Variants in DPP10 observed in about 807,000 individuals in gnomAD.
DPP10 encodes dipeptidyl peptidase like 10, also known as inactive dipeptidyl peptidase 10.
DPP10 carries 33 observed loss-of-function variants against 120.9 expected under a neutral mutation model. The ratio of observed to expected loss-of-function variants is 0.27; its 90% CI spans 0.21 to 0.37. The LOEUF (loss-of-function observed/expected upper bound fraction) is 0.37, where lower values mean the gene tolerates loss of function less well. Among genes scored for constraint, DPP10 ranks in the 10% least tolerant of loss-of-function variants. The pLI is 1.00. For missense variants in DPP10, 816 were observed against 942.8 expected, an observed-to-expected ratio of 0.87 and a Z score of 1.76; for synonymous variants, 337 against 326.1, an observed-to-expected ratio of 1.03 and a Z score of -0.36.
At chr2:115,723,750 T>C (rs1311037463) in intron 7 of DPP10, among the ~76,000 whole-genome samples, 1 of 152,126 alleles carries the variant, frequency 6.6e-6, no homozygotes, top group Non-Finnish European at 1.5e-5. Flanking sequence ...ACAACTAAAT[T>C]AGAAAAGGAC....
At chr2:114,765,648 A>G (rs547299703) in intron 1 of DPP10, among the ~76,000 whole-genome samples, 93 of 152,294 alleles carry the variant, frequency 6.1e-4, no homozygotes, top group Admixed American at 1.5e-3. Flanking sequence ...AAATTTTCCA[A>G]CGGCCTAAAC....
chr2:114,876,129 A>T (rs780634541), intron 1 of DPP10, among the ~76,000 whole-genome samples: 39 of 152,172 alleles, frequency 2.6e-4, no homozygotes, highest in Admixed American at 5.2e-4. Context: ...ATATAGTATA[A>T]TGAAAAGGCA....
At chr2:115,007,390 A>C (rs1701933282) in intron 1 of DPP10, among the ~76,000 whole-genome samples, 1 of 152,116 alleles carries the variant, frequency 6.6e-6, no homozygotes, top group Admixed American at 6.6e-5. Context: ...CATGCTAAAA[A>C]CTCTCAATAA....
intron 4 of DPP10, among the ~76,000 whole-genome samples, chr2:115,521,234 G>A (rs1484471339): frequency 6.6e-6 from 1 of 152,170 alleles, no homozygotes; most frequent in Non-Finnish European, 1.5e-5. Context: ...ATGATTACTG[G>A]CCCACCCGGT....
intron 1 of DPP10, among the ~76,000 whole-genome samples, chr2:115,265,974 A>G (rs1346010575): frequency 6.6e-6 from 1 of 152,028 alleles, no homozygotes; most frequent in East Asian, 1.9e-4. Context: ...TAGAAAATGA[A>G]GAAGCTTATT....
chr2:115,002,688 T>A (rs886150443), intron 1 of DPP10, among the ~76,000 whole-genome samples: 1 of 151,912 alleles, frequency 6.6e-6, no homozygotes, highest in African/African-American at 2.4e-5. Context: ...ACCCCACTAA[T>A]AAGTGAGCAA....
intron 7 of DPP10, among the ~76,000 whole-genome samples, chr2:115,721,045 A>G (rs979473885): frequency 1.2e-4 from 19 of 152,206 alleles, no homozygotes; most frequent in African/African-American, 4.1e-4. Flanking sequence ...AAAGAGCCGC[A>G]GTGATTGACT....
At chr2:115,729,438 T>C (rs533772691) in intron 8 of DPP10, among the ~76,000 whole-genome samples, 1 of 152,258 alleles carries the variant, frequency 6.6e-6, no homozygotes, top group South Asian at 2.1e-4. Context: ...AAAGGAATGA[T>C]ACCATTCTAG....
At chr2:115,098,554 G>T (rs1015184431) in intron 1 of DPP10, among the ~76,000 whole-genome samples, 2 of 151,988 alleles carry the variant, frequency 1.3e-5, no homozygotes, top group African/African-American at 4.8e-5. Context: ...TCACACAATG[G>T]TATTTGTGAA....
At chr2:115,319,088 T>C (rs781092761) in intron 2 of DPP10, among the ~76,000 whole-genome samples, 55 of 152,168 alleles carry the variant, frequency 3.6e-4, no homozygotes, top group Admixed American at 2.0e-4. Context: ...TTTTTATTTC[T>C]AGCTCTTAAA....
At chr2:115,696,074 A>G (rs1033855527) in intron 7 of DPP10, among the ~76,000 whole-genome samples, 1 of 152,140 alleles carries the variant, frequency 6.6e-6, no homozygotes, top group Non-Finnish European at 1.5e-5. Context: ...CATAAAAAAT[A>G]AAAGACTGAA....
chr2:115,827,458 G>A (rs1027453451), intron 21 of DPP10, among the ~76,000 whole-genome samples: 21 of 132,426 alleles, frequency 1.6e-4, no homozygotes, highest in Non-Finnish European at 1.6e-5. Context: ...GCTCTACAGT[G>A]GTATACTTCT....
In DPP10 at chr2:115,468,625, A is replaced by G. The variant is rs917782938; in HGVS notation, c.272-30885A>G. The G allele has an allele frequency of 1.6e-5, 6 of 383,294 alleles. No homozygotes were observed. In the East Asian group the frequency reaches 3.3e-4, roughly 21 times the overall value. 23.7% of individuals were successfully genotyped at this position (383,294 alleles called of 1,614,324 possible). On this transcript the variant is annotated intron_variant, in intron 3 of 25. Transcript: ENST00000410059. ...TTGTGTGGCACCATCTCCCATGAAC[A>G]TCCATGGGAGGTCATGCCTGATCTC...
intron 1 of DPP10, among the ~76,000 whole-genome samples, chr2:114,561,726 A>G (rs1259590251): frequency 6.6e-6 from 1 of 152,220 alleles, no homozygotes; most frequent in Non-Finnish European, 1.5e-5. Flanking sequence ...CTCTTTCTCA[A>G]AATGCATTTT....
At chr2:114,578,502 T>C (rs1378178669) in intron 1 of DPP10, among the ~76,000 whole-genome samples, 1 of 152,180 alleles carries the variant, frequency 6.6e-6, no homozygotes, top group Non-Finnish European at 1.5e-5. Flanking sequence ...CATTCCTTTT[T>C]TTCCTTGATC....
At chr2:114,613,622 C>A (rs986230273) in intron 1 of DPP10, among the ~76,000 whole-genome samples, 1 of 152,056 alleles carries the variant, frequency 6.6e-6, no homozygotes, top group African/African-American at 2.4e-5. Flanking sequence ...GGTATATACC[C>A]AAAGGATTAT....
chr2:114,497,288 C>T lies in DPP10; in HGVS notation c.60+54450C>T, dbSNP rs865804966. On this transcript the variant is annotated intron_variant, in intron 1 of 25. Transcript: ENST00000410059. Reference sequence around the variant, plus strand: ...ATACATGTACATGTATACGTGTATACATGTACATGTATACGTGTATACATG... The same window carrying T: ...ATACATGTACATGTATACGTGTATATATGTACATGTATACGTGTATACATG... Among the ~76,000 whole-genome samples, 34 of 53,092 alleles carry T rather than the reference C, an allele frequency of 6.4e-4. 2 individuals carry two copies. In the Middle Eastern group the frequency reaches 0.056, roughly 87 times the overall value. The allele number at this position is 53,092 out of a possible 152,430, so 34.8% of individuals were successfully genotyped here.
chr2:115,619,428 G>A (rs976594914), intron 5 of DPP10, among the ~76,000 whole-genome samples: 4 of 152,050 alleles, frequency 2.6e-5, no homozygotes, highest in South Asian at 2.1e-4. Flanking sequence ...CGCTTAAAAT[G>A]CCTCATGTCT....
intron 1 of DPP10, among the ~76,000 whole-genome samples, chr2:114,802,977 A>C (rs111931053): frequency 0.012 from 1,788 of 152,274 alleles, 37 homozygotes; most frequent in African/African-American, 0.027. Flanking sequence ...GGAGTCACTG[A>C]ATGAAATGAG....
Sources: gnomAD v4.1 joint callset for allele counts (sites outside exome capture counted in the v4.1 genomes callset) on GRCh38, gnomAD v4.1.1 for gene constraint, MANE v1.5 for transcripts, NCBI Gene and HGNC (gene_info 2026-07-23, HGNC 2026-07-21) for gene names.